The following SYNE1 variants were observed in gnomAD, a reference collection of about 807,000 sequenced individuals.
SYNE1 encodes the protein spectrin repeat containing nuclear envelope protein 1.
Under a neutral mutation model 1,111.0 loss-of-function variants are expected in SYNE1, and 616 were observed. That is an observed-to-expected ratio of 0.55 (90% CI 0.52 to 0.59). The LOEUF (loss-of-function observed/expected upper bound fraction) is 0.59, where lower values mean the gene tolerates loss of function less well. SYNE1 is among the 20% of genes least tolerant of loss of function. The probability of loss-of-function intolerance (pLI) is 0.00; values close to 1 mark genes in which losing one functional copy is unlikely to be tolerated. For missense variants in SYNE1, 10,006 were observed against 10,417.0 expected (o/e 0.96, Z 1.72); for synonymous variants, 3,855 against 3,825.8 (o/e 1.01, Z -0.28).
intron 127 of SYNE1, among the ~76,000 whole-genome samples, chr6:152,192,938 T>A (rs1159179564): frequency 6.6e-6 from 1 of 152,154 alleles, no homozygotes; most frequent in African/African-American, 2.4e-5. Context: ...TCCCTTTATT[T>A]TCAGTGTATG....
At chr6:152,310,663 GT>G (rs1562964356) in intron 88 of SYNE1, 24 bp downstream of exon 88, 1 of 1,609,466 alleles carries the variant, frequency 6.2e-7, no homozygotes, top group Non-Finnish European at 8.5e-7. Flanking sequence ...ATTTTTTTCT[GT>G]TTCTTTTTTT....
chr6:152,343,514 A>C (rs1433739381), intron 74 of SYNE1, among the ~76,000 whole-genome samples: 2 of 125,664 alleles, frequency 1.6e-5, no homozygotes, highest in African/African-American at 6.0e-5. Context: ...TTATTCTTTT[A>C]TTTTATTTTT....
intron 41 of SYNE1, among the ~76,000 whole-genome samples, chr6:152,416,060 C>T (rs2098149444): frequency 6.6e-6 from 1 of 152,096 alleles, no homozygotes; most frequent in South Asian, 2.1e-4. Flanking sequence ...CCATGTGTTG[C>T]AAGAGAAAAG....
At chr6:152,343,907 C>T (rs867913771) in intron 74 of SYNE1, among the ~76,000 whole-genome samples, 174 bp downstream of exon 74, 4 of 152,324 alleles carry the variant, frequency 2.6e-5, no homozygotes, top group Non-Finnish European at 4.4e-5. Flanking sequence ...CCCTCAGTAT[C>T]ATGTCCATCT....
intron 145 of SYNE1, among the ~76,000 whole-genome samples, chr6:152,123,932 G>A (rs1023770505): frequency 2.6e-5 from 4 of 152,106 alleles, no homozygotes; most frequent in South Asian, 2.1e-4. Context: ...TGGGGGATGC[G>A]GAGTGACACC....
chr6:152,389,690 G>A (rs900244605), intron 53 of SYNE1, among the ~76,000 whole-genome samples: 7 of 152,198 alleles, frequency 4.6e-5, no homozygotes, highest in Admixed American at 4.6e-4. Context: ...ATTTTCAACA[G>A]AGGCTCTACG....
chr6:152,326,753 ATTG>A, intron 78 of SYNE1, 120 bp from the exon 79 acceptor site: 1 of 903,972 alleles, frequency 1.1e-6, no homozygotes, highest in South Asian at 1.5e-5. Flanking sequence ...GTGTAAGTGC[ATTG>A]ATAAGTTAGT....
Position 152,326,602 on chromosome 6 carries a change from T to C in SYNE1, c.14987A>G (p.Gln4996Arg). 6.2e-7 allele frequency: 1 copy of C among 1,614,124 alleles called. No individual in the cohort carries two copies. Among genetic ancestry groups the C allele is most frequent in the Non-Finnish European group, 8.5e-7 (1 of 1,180,034 alleles). ...ATLTEIYSQC[Q>R]RYYQVFQAAN... ...TGCTTGAAATACCTGATAATACCTT[T>C]GACACTGGCTATATATTTCAGTCAA... is the stretch of plus-strand genomic sequence containing the variant. The change falls in exon 79 of 146, where the codon CAA becomes CGA. Residue 4996 changes from glutamine (Q) to arginine (R), a missense_variant. Around this residue, in one of 7 missense-constraint regions of SYNE1, gnomAD observed 4,955 missense variants for 5,017.2 expected, o/e 0.99. Transcript: ENST00000367255.
At chr6:152,342,330 A>G (rs2096549955) in intron 74 of SYNE1, among the ~76,000 whole-genome samples, 1 of 152,250 alleles carries the variant, frequency 6.6e-6, no homozygotes, top group Non-Finnish European at 1.5e-5. Context: ...AATAAAGTGC[A>G]TTGGAAACAA....
At chr6:152,257,153 T>C (rs1490605569) in intron 101 of SYNE1, among the ~76,000 whole-genome samples, 6 of 152,188 alleles carry the variant, frequency 3.9e-5, no homozygotes, top group Non-Finnish European at 4.4e-5. Flanking sequence ...GTCTGCTAAT[T>C]ACCCTGACTT....
intron 12 of SYNE1, among the ~76,000 whole-genome samples, chr6:152,488,074 C>CAAAAA (rs35496801): frequency 4.5e-4 from 60 of 132,984 alleles, no homozygotes; most frequent in African/African-American, 1.6e-3. Context: ...GACTCCGTCT[C>CAAAAA]AAAAAAAAAA....
chr6:152,224,663 A>C lies in SYNE1; in HGVS notation c.21353T>G (p.Val7118Gly). The C allele has an allele frequency of 6.2e-7, 1 of 1,613,652 alleles. No homozygotes were observed. The highest frequency in any genetic ancestry group is 1.1e-5 in the South Asian group (1 of 91,072). Residue 7118 changes from valine to glycine, a missense_variant and splice_region_variant, in exon 117 of 146, where the codon GTT becomes GGT. By Grantham distance (109) the Val-to-Gly change is moderately radical. Coordinates refer to ENST00000367255, the MANE Select transcript of SYNE1 (RefSeq NM_182961.4). ...GQTWANLDHMVGQLKILLKSV... is the reference protein window; with the variant it reads ...GQTWANLDHMGGQLKILLKSV... ...TTTCAGCAGTATCTTTAATTGTCCAACCTTTTGAAAAAGACAAATATGGCT... is the reference window on the plus strand; with the variant it reads ...TTTCAGCAGTATCTTTAATTGTCCACCCTTTTGAAAAAGACAAATATGGCT...
chr6:152,395,770 G>T, intron 50 of SYNE1, 99 bp from the exon 51 acceptor site: 1 of 1,288,886 alleles, frequency 7.8e-7, no homozygotes, highest in Non-Finnish European at 1.1e-6. Flanking sequence ...TGGCAATTAA[G>T]ACCTCATGAA....
intron 10 of SYNE1, among the ~76,000 whole-genome samples, chr6:152,499,014 C>G (rs2099014385): frequency 6.6e-6 from 1 of 152,040 alleles, no homozygotes; most frequent in Admixed American, 6.6e-5. Context: ...ACATTTTTAA[C>G]TTGAAATAGT....
At chr6:152,566,654 T>C (rs532558158) in intron 3 of SYNE1, among the ~76,000 whole-genome samples, 1 of 152,264 alleles carries the variant, frequency 6.6e-6, no homozygotes, top group South Asian at 2.1e-4. Flanking sequence ...CAAATGGACA[T>C]CAGGCAGGAA....
chr6:152,461,862 C>A, intron 20 of SYNE1, 122 bp from the exon 21 acceptor site: 1 of 1,275,568 alleles, frequency 7.8e-7, no homozygotes, highest in Admixed American at 1.8e-5. Context: ...TTACACTAAA[C>A]TTTCGACGAT....
At chr6:152,619,422 AG>A (rs2099670353) in intron 3 of SYNE1, among the ~76,000 whole-genome samples, 1 of 152,084 alleles carries the variant, frequency 6.6e-6, no homozygotes, top group East Asian at 1.9e-4. Flanking sequence ...ACTTTTGGGG[AG>A]GGTTCCATCC....
intron 3 of SYNE1, among the ~76,000 whole-genome samples, chr6:152,622,965 T>C (rs939691019): frequency 2.0e-5 from 3 of 152,148 alleles, no homozygotes; most frequent in Non-Finnish European, 2.9e-5. Context: ...CCATTCTGAC[T>C]GTTGTGAGAT....
Position 152,359,360 on chromosome 6 carries a change from G to T in SYNE1, c.10398C>A (p.Leu3466=). Residue 3466 remains leucine (L), a synonymous_variant, in exon 65 of 146, where the codon CTC becomes CTA. Coordinates refer to ENST00000367255, the MANE Select transcript of SYNE1 (RefSeq NM_182961.4). ...MTEHYVTQLE[L]QDLQERYRAI... ...CTCTGTATCGTTCCTGTAGATCCTG[G>T]AGTTCTAGCTGGGTGACATAGTGTT... The T allele has an allele frequency of 6.2e-7, 1 of 1,614,124 alleles. No individual in the cohort carries two copies. The highest frequency in any genetic ancestry group is 8.5e-7 in the Non-Finnish European group (1 of 1,180,026).
Sources: allele counts gnomAD v4.1 joint callset (sites outside exome capture counted in the v4.1 genomes callset), GRCh38; gene constraint gnomAD v4.1.1; regional missense constraint gnomAD v4.1.1; transcripts MANE v1.5; gene names NCBI Gene and HGNC (gene_info 2026-07-23, HGNC 2026-07-21).